CTH: variants seen among roughly 807,000 people sequenced by gnomAD.
The protein encoded by CTH is cystathionine gamma-lyase.
Under a neutral mutation model 50.6 loss-of-function variants are expected in CTH, and 41 were observed. The observed-to-expected ratio is 0.81, with a 90% CI of 0.63 to 1.05. CTH has a LOEUF of 1.05. Ranked by LOEUF, CTH falls within the 50% of genes least tolerant of loss-of-function variation. CTH has a pLI of 0.00. For missense variants in CTH, 470 were observed against 492.6 expected (o/e 0.95, Z 0.43); for synonymous variants, 156 against 168.9 (o/e 0.92, Z 0.59).
At chr1:70,428,895 G>A (rs1444119351) in intron 5 of CTH, among the ~76,000 whole-genome samples, 1 of 151,998 alleles carries the variant, frequency 6.6e-6, no homozygotes, top group African/African-American at 2.4e-5. Context: ...TTACAGGTAT[G>A]AGCCCCCGCA....
intron 1 of CTH, among the ~76,000 whole-genome samples, chr1:70,413,267 T>A (rs1684011151): frequency 7.9e-5 from 12 of 151,036 alleles, no homozygotes; most frequent in Admixed American, 7.9e-4. Flanking sequence ...TTCTTTTTTT[T>A]TTTTTTTTAT....
intron 2 of CTH, among the ~76,000 whole-genome samples, chr1:70,416,853 C>G (rs1214392316): frequency 3.3e-5 from 5 of 152,086 alleles, no homozygotes; most frequent in Admixed American, 2.6e-4. Context: ...TGGGCCACCA[C>G]GCCCAGCCTT....
chr1:70,418,043 C>G lies in CTH; in HGVS notation c.346+11C>G. 1 of 1,613,384 alleles carries G rather than the reference C, an allele frequency of 6.2e-7. No individual in the cohort carries two copies. The highest frequency in any genetic ancestry group is 8.5e-7 in the Non-Finnish European group (1 of 1,179,448). ...ATGATGTGTATGGAGGTAGGTGACC[C>G]CTCTCATTTATATTCTGTAAACTTG... On this transcript the variant is annotated intron_variant, in intron 3 of 11. Transcript: ENST00000370938.
rs2101764534 is a variant in CTH at position 70,438,693 on chromosome 1, T to G, written c.1058T>G (p.Ile353Ser). The change falls in exon 11 of 12, where the codon ATC becomes AGC. Residue 353 changes from isoleucine to serine, a missense_variant. By Grantham distance (142) the Ile-to-Ser change is moderately radical. Coordinates refer to ENST00000370938, the MANE Select transcript of CTH (RefSeq NM_001902.6). ...GFESLAELPA[I>S]MTHASVLKND... The stretch of plus-strand genomic sequence containing the variant: ...TTGCTCATGTCTTCTTTCAGGGCAA[T>G]CATGACTCATGCATCAGTTCTTAAG... 6.2e-7 allele frequency: 1 copy of G among 1,614,084 alleles called. No homozygotes were observed. The highest frequency in any genetic ancestry group is 2.2e-5 in the East Asian group (1 of 44,868).
At chr1:70,437,547 G>T (rs549026168) in intron 10 of CTH, among the ~76,000 whole-genome samples, 13 of 152,218 alleles carry the variant, frequency 8.5e-5, no homozygotes, top group African/African-American at 3.1e-4. Context: ...GGCCACATAG[G>T]CAGTATGTGG....
intron 10 of CTH, among the ~76,000 whole-genome samples, chr1:70,438,437 T>C (rs972651623): frequency 3.9e-5 from 6 of 152,158 alleles, no homozygotes; most frequent in African/African-American, 9.7e-5. Context: ...ACACACACTT[T>C]CAGTATTTGG....
At chr1:70,420,786 A>C (rs1222865340) in intron 3 of CTH, among the ~76,000 whole-genome samples, 1 of 152,210 alleles carries the variant, frequency 6.6e-6, no homozygotes, top group Admixed American at 6.5e-5. Flanking sequence ...ATAATGCAAT[A>C]TAAAAGTCTC....
At chr1:70,425,506 A>G (rs1356772382) in intron 5 of CTH, among the ~76,000 whole-genome samples, 3 of 152,198 alleles carry the variant, frequency 2.0e-5, no homozygotes, top group African/African-American at 7.2e-5. Flanking sequence ...AGGGCACTGT[A>G]TTAGTCCATT....
rs2101766672 is a variant in CTH, at chr1:70,439,561, TTTACACTTAGTTACCATAA to T, written c.*435_*453del. On this transcript the variant is annotated 3_prime_UTR_variant, in exon 12 of 12. Coordinates refer to ENST00000370938, the MANE Select transcript of CTH (RefSeq NM_001902.6). ...TTGAAAAGAACATTAAAAGCAATGG[TTTACACTTAGTTACCATAA>T]GCCGAAAATCAAATACTTGAAAAGT... 1 of 177,772 alleles carries T rather than the reference TTTACACTTAGTTACCATAA, an allele frequency of 5.6e-6. No individual in the cohort carries two copies. The highest frequency in any genetic ancestry group is 1.5e-4 in the East Asian group (1 of 6,538). 11.0% of individuals were successfully genotyped at this position (177,772 alleles called of 1,614,324 possible).
chr1:70,411,680 A>T (rs1683968725), intron 1 of CTH, 97 bp downstream of exon 1: 1 of 1,506,708 alleles, frequency 6.6e-7, no homozygotes, highest in Non-Finnish European at 8.8e-7. Context: ...AATATGACTT[A>T]TAAATTAGGA....
At chr1:70,431,416 T>C (rs1684472106) in intron 7 of CTH, among the ~76,000 whole-genome samples, 1 of 152,188 alleles carries the variant, frequency 6.6e-6, no homozygotes, top group Admixed American at 6.5e-5. Context: ...AAATAGCACT[T>C]ACAGTATAAA....
chr1:70,415,545 T>C (rs1684071932), intron 1 of CTH, among the ~76,000 whole-genome samples: 1 of 152,236 alleles, frequency 6.6e-6, no homozygotes, highest in Non-Finnish European at 1.5e-5. Flanking sequence ...TCTAACATAA[T>C]AAACATACTA....
At chr1:70,439,058 T>A (rs766857581) in intron 11 of CTH, 43 bp from the exon 12 acceptor site, 1 of 1,574,702 alleles carries the variant, frequency 6.4e-7, no homozygotes, top group East Asian at 2.2e-5. Context: ...AGCTATGGCC[T>A]ATATGTTTAA....
chr1:70,437,738 G>A (rs1184669163), intron 10 of CTH, among the ~76,000 whole-genome samples: 1 of 152,186 alleles, frequency 6.6e-6, no homozygotes, highest in Non-Finnish European at 1.5e-5. Context: ...TCAGACCACA[G>A]CTGAGATTTT....
intron 3 of CTH, among the ~76,000 whole-genome samples, chr1:70,419,792 A>G (rs932024093): frequency 2.6e-5 from 4 of 152,238 alleles, no homozygotes; most frequent in Non-Finnish European, 4.4e-5. Flanking sequence ...CCTTGCCTTT[A>G]AGCCCACTGA....
chr1:70,417,556 A>G (rs1684121668), intron 2 of CTH, among the ~76,000 whole-genome samples: 1 of 152,208 alleles, frequency 6.6e-6, no homozygotes, highest in Admixed American at 6.5e-5. Context: ...AAGTGCTGGG[A>G]TTATAGGCAT....
rs1683966069 is a variant in CTH at position 70,411,583 on chromosome 1, G to C, written c.168G>C (p.Ser56=). ...AGCAAGGGGCGCCTGGCCAGCACTC[G>C]GTGAGCTGGGTCTGTCTGGGGCTGT... ...TFKQGAPGQH[S]GFEYSRSGNP... The change falls in exon 1 of 12, where the codon TCG becomes TCC. Residue 56 remains serine (S), a splice_region_variant and synonymous_variant. Transcript: ENST00000370938. 1 of 1,613,592 alleles carries C rather than the reference G, an allele frequency of 6.2e-7. No homozygotes were observed. Among genetic ancestry groups the C allele is most frequent in the Non-Finnish European group, 8.5e-7 (1 of 1,179,724 alleles).
At chr1:70,435,084 A>G (rs1684569242) in intron 9 of CTH, 41 bp from the exon 10 acceptor site, 1 of 1,562,934 alleles carries the variant, frequency 6.4e-7, no homozygotes, top group Non-Finnish European at 8.7e-7. Flanking sequence ...TAGTATTTTT[A>G]TTTTACTAGA....
chr1:70,413,305 C>A (rs1225920921), intron 1 of CTH, among the ~76,000 whole-genome samples: 1 of 151,218 alleles, frequency 6.6e-6, no homozygotes, highest in Non-Finnish European at 1.5e-5. Flanking sequence ...ACTCTGTCAC[C>A]CAGGCTGGAG....
Sources: gnomAD v4.1 joint callset for allele counts (sites outside exome capture counted in the v4.1 genomes callset) on GRCh38, gnomAD v4.1.1 for gene constraint, MANE v1.5 for transcripts, NCBI Gene and HGNC (gene_info 2026-07-23, HGNC 2026-07-21) for gene names.